Variants in EP400 observed in about 807,000 individuals in gnomAD.
The protein encoded by EP400 is E1A-binding protein p400.
A neutral mutation model predicts 354.1 loss-of-function variants in EP400; 105 were observed. The ratio of observed to expected loss-of-function variants is 0.30; its 90% CI spans 0.25 to 0.35. The LOEUF is 0.35. EP400 is among the 10% of genes least tolerant of loss of function. EP400 has a pLI of 1.00. For missense variants in EP400, 3,280 were observed against 4,121.0 expected, an observed-to-expected ratio of 0.80 and a Z score of 5.59; for synonymous variants, 1,646 against 1,716.9, an observed-to-expected ratio of 0.96 and a Z score of 1.02.
chr12:132,047,655 C>T (rs149280694), intron 39 of EP400, among the ~76,000 whole-genome samples: 6,823 of 145,558 alleles, frequency 0.047, no homozygotes, highest in Non-Finnish European at 0.067. Flanking sequence ...ATCACAGGAC[C>T]ACAGGACCAG....
intron 45 of EP400, among the ~76,000 whole-genome samples, chr12:132,057,307 A>G (rs1439626692): frequency 1.3e-5 from 2 of 152,250 alleles, no homozygotes; most frequent in Non-Finnish European, 2.9e-5. Flanking sequence ...GTACATTCAT[A>G]CAGCCCAGTC....
intron 32 of EP400, among the ~76,000 whole-genome samples, chr12:132,039,148 T>C (rs1434560106): frequency 6.6e-6 from 1 of 152,128 alleles, no homozygotes; most frequent in Non-Finnish European, 1.5e-5. Flanking sequence ...TCTGGTGCTG[T>C]CTCCTCTTCC....
intron 50 of EP400, 104 bp from the exon 51 acceptor site, chr12:132,069,390 TG>T: frequency 6.6e-7 from 1 of 1,507,112 alleles, no homozygotes; most frequent in Non-Finnish European, 9.0e-7. Flanking sequence ...GGAGGTAGGC[TG>T]GAAAGGGGCT....
At chr12:132,006,374 G>A (rs762630244) in intron 14 of EP400, 72 bp downstream of exon 14, 2 of 1,513,510 alleles carry the variant, frequency 1.3e-6, no homozygotes, top group Admixed American at 2.1e-5. Flanking sequence ...CATGAGAAAA[G>A]CTTTTCCTCT....
At chr12:131,978,862 C>A (rs1202265277) in intron 2 of EP400, among the ~76,000 whole-genome samples, 1 of 151,984 alleles carries the variant, frequency 6.6e-6, no homozygotes, top group Non-Finnish European at 1.5e-5. Flanking sequence ...CTATTTATAT[C>A]TCTATATATC....
At chr12:131,985,946 G>A (rs1226502320) in intron 5 of EP400, among the ~76,000 whole-genome samples, 6 of 151,952 alleles carry the variant, frequency 3.9e-5, no homozygotes, top group Non-Finnish European at 5.9e-5. Flanking sequence ...TGTCTGCCAT[G>A]AGAGAGGCAC....
intron 32 of EP400, among the ~76,000 whole-genome samples, chr12:132,040,163 G>T (rs56169254): frequency 0.13 from 20,057 of 152,092 alleles, 1,748 homozygotes; most frequent in African/African-American, 0.24. Context: ...AAAAACCACA[G>T]GAGGTACCAA....
intron 47 of EP400, among the ~76,000 whole-genome samples, chr12:132,063,008 C>T (rs1033725859): frequency 2.0e-5 from 3 of 152,114 alleles, no homozygotes; most frequent in African/African-American, 7.2e-5. Flanking sequence ...TCTCTAGGCC[C>T]GCTTGGTGTG....
At chr12:132,055,266 C>A in intron 45 of EP400, 58 bp downstream of exon 45, 1 of 1,336,872 alleles carries the variant, frequency 7.5e-7, no homozygotes, top group Non-Finnish European at 1.0e-6. Flanking sequence ...AAATTATTTG[C>A]TTGTCTGTTA....
At position 132,075,210 on chromosome 12, in the gene EP400, G is replaced by A. The variant is rs960755596; in HGVS notation, c.9022-1306G>A. Reference sequence around the variant, plus strand: ...CCAGGATGGCAGCTGGCAGTAGCACGGGGCTCTTTTGCAAGCTCCCCACCG... The same window carrying A: ...CCAGGATGGCAGCTGGCAGTAGCACAGGGCTCTTTTGCAAGCTCCCCACCG... On this transcript the variant is annotated intron_variant, in intron 51 of 52. Coordinates refer to ENST00000389561, the MANE Select transcript of EP400 (RefSeq NM_015409.5). The surrounding 1 kb of genome is among the most constrained non-coding windows in gnomAD (Gnocchi z 4.5). Among the ~76,000 whole-genome samples, 6 of 151,362 alleles carry A rather than the reference G, an allele frequency of 4.0e-5. No homozygotes were observed. Among genetic ancestry groups the A allele is most frequent in the Non-Finnish European group, 7.4e-5 (5 of 67,836 alleles).
Position 132,063,797 on chromosome 12 carries a change from G to A in EP400, c.8335-871G>A, listed in dbSNP as rs117612506. On this transcript the variant is annotated intron_variant, in intron 47 of 52. Transcript: ENST00000389561. Reference sequence around the variant, plus strand: ...GTTCCTGTCACACCAGCCATCCCTCGAGGGCTGCATGGCCATATGTGGCTG... The same window carrying A: ...GTTCCTGTCACACCAGCCATCCCTCAAGGGCTGCATGGCCATATGTGGCTG... Among the ~76,000 whole-genome samples the A allele has an allele frequency of 7.8e-3, 1,185 of 152,246 alleles. 26 individuals carry two copies. The highest frequency in any genetic ancestry group is 0.064 in the South Asian group (309 of 4,816).
intron 12 of EP400, among the ~76,000 whole-genome samples, chr12:132,000,781 T>G (rs1193377561): frequency 6.6e-6 from 1 of 152,264 alleles, no homozygotes; most frequent in Non-Finnish European, 1.5e-5. Context: ...ATTGATTAAG[T>G]GTTAAATTCC....
intron 2 of EP400, among the ~76,000 whole-genome samples, chr12:131,972,812 G>A (rs537091698): frequency 1.5e-5 from 2 of 137,288 alleles, no homozygotes; most frequent in African/African-American, 5.6e-5. Flanking sequence ...ACTCACTACA[G>A]CCTCTGCCTC....
At chr12:131,958,146 C>G (rs949711857) in intron 1 of EP400, among the ~76,000 whole-genome samples, 1 of 152,148 alleles carries the variant, frequency 6.6e-6, no homozygotes, top group African/African-American at 2.4e-5. Context: ...AGCTTTTGTG[C>G]CAGTTTCACA....
At chr12:132,065,539 G>C (rs566068196) in intron 48 of EP400, 6 of 152,740 alleles carry the variant, frequency 3.9e-5, no homozygotes, top group Admixed American at 3.9e-4. Flanking sequence ...CCCAGGCAGG[G>C]ATAAGGGTCT....
rs952915797 is a variant in EP400 at position 132,044,933 on chromosome 12, G to A, written c.6764G>A (p.Arg2255Gln). 1.8e-5 allele frequency: 29 copies of A among 1,613,984 alleles called. No individual in the cohort carries two copies. Among genetic ancestry groups the A allele is most frequent in the African/African-American group, 4.0e-5 (3 of 74,916 alleles). ...PPVYVRKERKRHKTDPSAAGR... is the reference protein window; with the variant it reads ...PPVYVRKERKQHKTDPSAAGR... ...GTGTACGTGAGGAAGGAGCGGAAGC[G>A]ACACAAAACAGACCCCTCAGGTGCG... Residue 2255 changes from arginine (R) to glutamine (Q), a missense_variant, in exon 37 of 53, where the codon CGA (arginine) becomes CAA (glutamine). Arg to Gln is a conservative substitution (Grantham distance 43). Coordinates refer to ENST00000389561, the MANE Select transcript of EP400 (RefSeq NM_015409.5).
chr12:132,066,778 G>A lies in EP400; in HGVS notation c.8558G>A (p.Arg2853Gln). The stretch of plus-strand genomic sequence containing the variant: ...CCCATTATTTCTACTGTTTAGACCC[G>A]GGTTCCCACTTCTCAGCTGCAGGCG... ...VANLQVARLTRVPTSQLQAQG... is the reference protein window; with the variant it reads ...VANLQVARLTQVPTSQLQAQG... Residue 2853 changes from arginine to glutamine, a missense_variant, in exon 49 of 53, where the codon CGG becomes CAG. By Grantham distance (43) the Arg-to-Gln change is conservative. Coordinates refer to ENST00000389561, the MANE Select transcript of EP400 (RefSeq NM_015409.5). 1.2e-6 allele frequency: 2 copies of A among 1,613,578 alleles called. No individual in the cohort carries two copies. Among genetic ancestry groups the A allele is most frequent in the South Asian group, 1.1e-5 (1 of 90,998 alleles).
At chr12:132,046,847 A>AT (rs1895113919) in intron 39 of EP400, among the ~76,000 whole-genome samples, 1 of 152,128 alleles carries the variant, frequency 6.6e-6, no homozygotes, top group African/African-American at 2.4e-5. Flanking sequence ...GTCCACACCC[A>AT]TTGGGAGGTG....
At chr12:132,044,630 T>C in intron 35 of EP400, 41 bp from the exon 36 acceptor site, 1 of 1,613,456 alleles carries the variant, frequency 6.2e-7, no homozygotes, top group Non-Finnish European at 8.5e-7. Context: ...AACATGACAC[T>C]GAGACTTGGT....
Sources: gnomAD v4.1 joint callset for allele counts (sites outside exome capture counted in the v4.1 genomes callset) on GRCh38, gnomAD v4.1.1 for gene constraint, Gnocchi (gnomAD v3.1) non-coding constraint, MANE v1.5 for transcripts, NCBI Gene and HGNC (gene_info 2026-07-23, HGNC 2026-07-21) for gene names.